Variants in PIGH observed in about 807,000 individuals in gnomAD.
PIGH encodes the protein phosphatidylinositol N-acetylglucosaminyltransferase subunit H.
A neutral mutation model predicts 20.1 loss-of-function variants in PIGH; 11 were observed. The ratio of observed to expected loss-of-function variants is 0.55; its 90% CI spans 0.34 to 0.91. PIGH has a LOEUF of 0.91. PIGH is among the 40% of genes least tolerant of loss of function. PIGH has a pLI of 0.02. For missense variants in PIGH, 189 were observed against 233.6 expected (o/e 0.81, Z 1.24); for synonymous variants, 72 against 93.1 (o/e 0.77, Z 1.31).
At chr14:67,598,224 A>G (rs528342361) in intron 1 of PIGH, among the ~76,000 whole-genome samples, 2 of 152,322 alleles carry the variant, frequency 1.3e-5, no homozygotes, top group South Asian at 2.1e-4. Context: ...CAGAGCCCTT[A>G]GAAAGTGTTG....
chr14:67,598,648 T>C (rs1020101927), intron 1 of PIGH, among the ~76,000 whole-genome samples: 3 of 151,944 alleles, frequency 2.0e-5, no homozygotes, highest in Non-Finnish European at 4.4e-5. Flanking sequence ...AACTATACAA[T>C]AAATTAAATT....
chr14:67,599,540 ACT>A (rs1397593890), intron 1 of PIGH, among the ~76,000 whole-genome samples: 2 of 152,070 alleles, frequency 1.3e-5, no homozygotes, highest in African/African-American at 2.4e-5. Flanking sequence ...GAACTATAAC[ACT>A]CTATCTATAC....
chr14:67,598,272 C>T (rs1594811220), intron 1 of PIGH, among the ~76,000 whole-genome samples: 1 of 152,206 alleles, frequency 6.6e-6, no homozygotes, highest in East Asian at 1.9e-4. Flanking sequence ...ACTGATTCCT[C>T]GGGTACTTGA....
chr14:67,594,639 G>A (rs529518463), intron 1 of PIGH, among the ~76,000 whole-genome samples: 29 of 150,474 alleles, frequency 1.9e-4, no homozygotes, highest in South Asian at 4.2e-4. Flanking sequence ...ATGACAGAGT[G>A]AGACATCTCA....
At chr14:67,593,565 T>TA in intron 2 of PIGH, 178 bp downstream of exon 2, 2 of 567,612 alleles carry the variant, frequency 3.5e-6, no homozygotes, top group Non-Finnish European at 6.2e-6. Flanking sequence ...GTCTTGAAGA[T>TA]AAAGTTGAAA....
chr14:67,590,142 C>A lies in PIGH; in HGVS notation c.505G>T (p.Glu169Ter). The A allele has an allele frequency of 6.4e-7, 1 of 1,551,054 alleles. No homozygotes were observed. The highest frequency in any genetic ancestry group is 8.7e-7 in the Non-Finnish European group (1 of 1,146,762). ...SAKPRLDCLI[E>*]VYRSCQEILA... ...ATCTCCTGGCAGCTCCTGTATACTT[C>A]AATCAAGCAGTCCAGCCGGGGCTTG... Residue 169 changes from glutamate to a stop codon, truncating the protein, a stop_gained, in exon 4 of 4, where the codon GAA becomes TAA. Coordinates refer to ENST00000216452, the MANE Select transcript of PIGH (RefSeq NM_004569.5). LOFTEE classifies it high-confidence loss of function.
In PIGH at chr14:67,600,242, A is replaced by C. The variant is rs370249061; in HGVS notation, c.-39T>G. On this transcript the variant is annotated 5_prime_UTR_variant, in exon 1 of 4. Transcript: ENST00000216452. ...GGCCGCCCGCACCGCGCGGCGCTGC[A>C]CTGCGCTCGCCGGCCCTGGCCGTCT... 13 of 1,503,330 alleles carry C rather than the reference A, an allele frequency of 8.6e-6. No individual in the cohort carries two copies. Among genetic ancestry groups the C allele is most frequent in the African/African-American group, 1.4e-5 (1 of 70,832 alleles). 93.1% of individuals were successfully genotyped at this position (1,503,330 alleles called of 1,614,324 possible).
At chr14:67,591,793 C>T (rs960489485) in intron 3 of PIGH, 1 of 151,178 alleles carries the variant, frequency 6.6e-6, no homozygotes, top group African/African-American at 2.4e-5. Context: ...TCAGCCTCCC[C>T]CACAGTGTTG....
intron 1 of PIGH, among the ~76,000 whole-genome samples, chr14:67,599,752 G>A (rs1011128904): frequency 2.0e-5 from 3 of 152,136 alleles, no homozygotes; most frequent in Non-Finnish European, 4.4e-5. Context: ...AGGCCGTCGC[G>A]CAAGAACTAG....
At position 67,592,720 on chromosome 14, in the gene PIGH, T is replaced by C; in HGVS notation, c.391-2A>G. 1.3e-6 allele frequency: 2 copies of C among 1,570,540 alleles called. No homozygotes were observed. Among genetic ancestry groups the C allele is most frequent in the African/African-American group, 1.3e-5 (1 of 74,164 alleles). ...GCAGAGGTAGTAAATCACCTTCTGC[T>C]GTAAGAAAATAAATCAAATAGCAAA... is the stretch of plus-strand genomic sequence containing the variant. On this transcript the variant is annotated splice_acceptor_variant, in intron 2 of 3. Coordinates refer to ENST00000216452, the MANE Select transcript of PIGH (RefSeq NM_004569.5). LOFTEE classifies it high-confidence loss of function.
At chr14:67,599,588 C>G (rs565613292) in intron 1 of PIGH, among the ~76,000 whole-genome samples, 396 of 152,284 alleles carry the variant, frequency 2.6e-3, no homozygotes, top group Non-Finnish European at 3.8e-3. Flanking sequence ...GAGGCAAAGA[C>G]AGTTTGTGGA....
At chr14:67,598,908 C>G (rs1478980649) in intron 1 of PIGH, among the ~76,000 whole-genome samples, 1 of 149,734 alleles carries the variant, frequency 6.7e-6, no homozygotes, top group African/African-American at 2.5e-5. Flanking sequence ...CGTGGTTTCA[C>G]CATGTTGGCC....
chr14:67,591,815 A>G (rs2036375367), intron 3 of PIGH: 1 of 150,330 alleles, frequency 6.7e-6, no homozygotes, highest in Non-Finnish European at 1.5e-5. Context: ...GATTACAGGC[A>G]TGAGCCACTG....
rs1268352494 is a variant in PIGH at position 67,590,190 on chromosome 14, G to A, written c.475-18C>T. On this transcript the variant is annotated intron_variant, in intron 3 of 3. Transcript: ENST00000216452. Reference sequence around the variant, plus strand: ...TTGGCACTCTGAATTCCAAAGGGGAGAAATGCGGAGTCAAGGTGAGAATAT... The same window carrying A: ...TTGGCACTCTGAATTCCAAAGGGGAAAAATGCGGAGTCAAGGTGAGAATAT... 2.6e-6 allele frequency: 4 copies of A among 1,543,838 alleles called. No homozygotes were observed. Among genetic ancestry groups the A allele is most frequent in the South Asian group, 2.4e-5 (2 of 83,760 alleles).
chr14:67,597,935 C>T (rs2036504692), intron 1 of PIGH, among the ~76,000 whole-genome samples: 1 of 152,078 alleles, frequency 6.6e-6, no homozygotes, highest in Non-Finnish European at 1.5e-5. Context: ...TTTAATAGAA[C>T]TGTGAACTCA....
intron 3 of PIGH, among the ~76,000 whole-genome samples, chr14:67,591,375 C>A (rs548182121): frequency 6.6e-6 from 1 of 152,138 alleles, no homozygotes; most frequent in African/African-American, 2.4e-5. Flanking sequence ...TAAAACTATT[C>A]ATAAGCTTTA....
chr14:67,591,442 G>T (rs1478330118), intron 3 of PIGH, among the ~76,000 whole-genome samples: 1 of 152,138 alleles, frequency 6.6e-6, no homozygotes, highest in Non-Finnish European at 1.5e-5. Context: ...TAAATCCTTT[G>T]TGAAAAAGGT....
In PIGH at chr14:67,592,716, C is replaced by G. The variant is rs377711399; in HGVS notation, c.393G>C (p.Gln131His). ...DIVINEAIYM[Q>H]KVIYYLCILL... ...AGATGCAGAGGTAGTAAATCACCTT[C>G]TGCTGTAAGAAAATAAATCAAATAG... Residue 131 changes from glutamine to histidine, a missense_variant and splice_region_variant, in exon 3 of 4, where the codon CAG becomes CAC. Physicochemically the swap from Gln to His is conservative, Grantham distance 24. Transcript: ENST00000216452. The G allele has an allele frequency of 6.3e-7, 1 of 1,585,486 alleles. No homozygotes were observed.
At position 67,600,072 on chromosome 14, in the gene PIGH, G is replaced by A; in HGVS notation, c.132C>T (p.Val44=). The A allele has an allele frequency of 6.3e-7, 1 of 1,592,560 alleles. No individual in the cohort carries two copies. The highest frequency in any genetic ancestry group is 8.5e-7 in the Non-Finnish European group (1 of 1,169,906). ...AGGCCGCCAGCCACACCGTGCAGGT[G>A]ACAGCGGTGAGCGAACGCAGCGAGA... ...PRLSLRSLTA[V]TCTVWLAAYG... Residue 44 remains valine (V), a synonymous_variant, in exon 1 of 4, where the codon GTC becomes GTT. Transcript: ENST00000216452.
Sources: allele counts gnomAD v4.1 joint callset (sites outside exome capture counted in the v4.1 genomes callset), GRCh38; gene constraint gnomAD v4.1.1; transcripts MANE v1.5; gene names NCBI Gene and HGNC (gene_info 2026-07-23, HGNC 2026-07-21).